The following LANCL3 variants were observed in gnomAD, a reference collection of about 807,000 sequenced individuals.
LANCL3 encodes lanC-like protein 3.
Under a neutral mutation model 26.5 loss-of-function variants are expected in LANCL3, and 19 were observed. That is an observed-to-expected ratio of 0.72 (90% CI 0.50 to 1.05). The LOEUF is 1.05. Ranked by LOEUF, LANCL3 falls within the 50% of genes least tolerant of loss-of-function variation. The pLI, the probability that LANCL3 is intolerant of heterozygous loss-of-function variation, is 0.00. For missense variants in LANCL3, 318 were observed against 362.7 expected, an observed-to-expected ratio of 0.88 and a Z score of 1.00; for synonymous variants, 160 against 166.6, an observed-to-expected ratio of 0.96 and a Z score of 0.30.
intron 1 of LANCL3, among the ~76,000 whole-genome samples, chrX:37,594,204 A>ACT (rs1436925528): frequency 9.0e-6 from 1 of 111,688 alleles, no homozygotes; most frequent in African/African-American, 3.3e-5. Context: ...CATGGCAGTG[A>ACT]CTCTAAGATA....
intron 1 of LANCL3, among the ~76,000 whole-genome samples, chrX:37,592,792 A>G (rs1206175801): frequency 1.8e-5 from 2 of 111,892 alleles, no homozygotes; most frequent in Non-Finnish European, 3.8e-5. Context: ...AAAGTGAAAG[A>G]GGAAAATTAT....
chrX:37,574,907 G>GTA (rs1432218625), intron 1 of LANCL3, among the ~76,000 whole-genome samples: 13 of 108,206 alleles, frequency 1.2e-4, no homozygotes, highest in African/African-American at 4.4e-4. Flanking sequence ...GTGTGTGTGT[G>GTA]TGTGTATGTA....
At chrX:37,587,526 C>T (rs781870592) in intron 1 of LANCL3, among the ~76,000 whole-genome samples, 10 of 112,785 alleles carry the variant, frequency 8.9e-5, no homozygotes, top group East Asian at 2.8e-4. Context: ...TTGCTGCTGC[C>T]GTGCAGTTCG....
At chrX:37,589,386 C>A (rs1924207049) in intron 1 of LANCL3, among the ~76,000 whole-genome samples, 1 of 111,268 alleles carries the variant, frequency 9.0e-6, no homozygotes, top group East Asian at 2.8e-4. Context: ...TCAAGCAGCA[C>A]CTACCTCATA....
chrX:37,638,502 G>A (rs1925769486), intron 1 of LANCL3, among the ~76,000 whole-genome samples: 1 of 111,398 alleles, frequency 9.0e-6, no homozygotes, highest in Non-Finnish European at 1.9e-5. Flanking sequence ...TAGTAAAGTT[G>A]TTGCCTCCTA....
intron 1 of LANCL3, among the ~76,000 whole-genome samples, chrX:37,639,244 C>T (rs1257440070): frequency 3.0e-5 from 3 of 100,612 alleles, no homozygotes; most frequent in African/African-American, 7.2e-5. Context: ...TACCTACATA[C>T]ATATACACAC....
intron 4 of LANCL3, among the ~76,000 whole-genome samples, chrX:37,673,277 G>T (rs191264172): frequency 6.0e-4 from 67 of 110,944 alleles, no homozygotes; most frequent in African/African-American, 1.9e-3. Flanking sequence ...CTGGCTCCTG[G>T]TTTTGCTTAT....
chrX:37,656,374 C>A (rs2146780897), intron 2 of LANCL3, among the ~76,000 whole-genome samples: 1 of 111,455 alleles, frequency 9.0e-6, no homozygotes, highest in East Asian at 2.8e-4. Flanking sequence ...CAAACTTTAT[C>A]TTTACCCTCC....
rs947125334 is a variant in LANCL3 at position 37,681,748 on chromosome X, A to G, written c.*5935A>G. On this transcript the variant is annotated 3_prime_UTR_variant, in exon 5 of 5. Transcript: ENST00000378619. ...TAGAAATTGCCACAAGTGTCTCTCCATAAGAAAAACTTTGTGTTTTCCTCT... is the reference window on the plus strand; with the variant it reads ...TAGAAATTGCCACAAGTGTCTCTCCGTAAGAAAAACTTTGTGTTTTCCTCT... 8.9e-6 allele frequency: 1 copy of G among 111,945 alleles called. No individual in the cohort carries two copies. The highest frequency in any genetic ancestry group is 1.9e-5 in the Non-Finnish European group (1 of 53,190). 9.2% of individuals were successfully genotyped at this position (111,945 alleles called of 1,213,427 possible).
intron 1 of LANCL3, among the ~76,000 whole-genome samples, chrX:37,579,139 G>A (rs1261423172): frequency 2.7e-5 from 3 of 109,872 alleles, no homozygotes; most frequent in Non-Finnish European, 5.7e-5. Context: ...AATGTACATT[G>A]GACATCTTTG....
intron 1 of LANCL3, among the ~76,000 whole-genome samples, chrX:37,646,654 A>G (rs1028546959): frequency 8.9e-6 from 1 of 112,044 alleles, no homozygotes; most frequent in Non-Finnish European, 1.9e-5. Flanking sequence ...GAAACTCAGG[A>G]TCATCTTCTG....
intron 3 of LANCL3, among the ~76,000 whole-genome samples, chrX:37,661,533 C>T (rs1167391683): frequency 9.1e-6 from 1 of 109,906 alleles, no homozygotes; most frequent in Non-Finnish European, 1.9e-5. Flanking sequence ...TTTACCAACC[C>T]CTATCCCCAC....
At chrX:37,632,602 T>A (rs1217037290) in intron 1 of LANCL3, among the ~76,000 whole-genome samples, 1 of 112,099 alleles carries the variant, frequency 8.9e-6, no homozygotes, top group East Asian at 2.8e-4. Flanking sequence ...CAGTTGTTCC[T>A]TTCCATGTTT....
intron 1 of LANCL3, among the ~76,000 whole-genome samples, chrX:37,652,646 G>T (rs782195708): frequency 3.9e-4 from 44 of 112,362 alleles, no homozygotes; most frequent in African/African-American, 1.3e-3. Context: ...TTTGGTGAAG[G>T]CCTGATGGCC....
At chrX:37,648,592 A>G (rs1926046153) in intron 1 of LANCL3, among the ~76,000 whole-genome samples, 1 of 112,431 alleles carries the variant, frequency 8.9e-6, no homozygotes, top group Non-Finnish European at 1.9e-5. Context: ...AATTGCAACA[A>G]AAGCCAAAAT....
At chrX:37,638,732 A>T (rs1012898319) in intron 1 of LANCL3, among the ~76,000 whole-genome samples, 45 of 111,469 alleles carry the variant, frequency 4.0e-4, no homozygotes, top group African/African-American at 1.4e-3. Flanking sequence ...AACCAGATCA[A>T]TATACAGAGC....
At chrX:37,653,318 T>C (rs2146778040) in intron 1 of LANCL3, among the ~76,000 whole-genome samples, 1 of 111,363 alleles carries the variant, frequency 9.0e-6, no homozygotes, top group East Asian at 2.8e-4. Context: ...ACACAACATA[T>C]GAATAAATGT....
At chrX:37,670,840 T>C (rs1273383331) in intron 4 of LANCL3, among the ~76,000 whole-genome samples, 6 of 111,704 alleles carry the variant, frequency 5.4e-5, no homozygotes, top group Admixed American at 9.5e-5. Context: ...TTTATTTAAG[T>C]TTAAACAAAT....
chrX:37,642,052 A>G (rs1556425964), intron 1 of LANCL3, among the ~76,000 whole-genome samples: 1 of 111,936 alleles, frequency 8.9e-6, no homozygotes, highest in African/African-American at 3.2e-5. Flanking sequence ...GGGCAATGGC[A>G]GCAAAGAGTG....
Sources: allele counts gnomAD v4.1 joint callset (sites outside exome capture counted in the v4.1 genomes callset), GRCh38; gene constraint gnomAD v4.1.1; transcripts MANE v1.5; gene names NCBI Gene and HGNC (gene_info 2026-07-23, HGNC 2026-07-21).